The following PAX3 variants were observed in gnomAD, a reference collection of about 807,000 sequenced individuals.
PAX3 encodes the protein paired box protein Pax-3.
In PAX3, 14 loss-of-function variants were observed where a neutral mutation model predicts 51.6. The observed-to-expected ratio is 0.27, with a 90% CI of 0.18 to 0.42. PAX3 has a LOEUF of 0.42. PAX3 is among the 10% of genes least tolerant of loss of function. The probability of loss-of-function intolerance (pLI) is 1.00; values close to 1 mark genes in which losing one functional copy is unlikely to be tolerated. For missense variants in PAX3, 540 were observed against 642.8 expected (o/e 0.84, Z 1.73); for synonymous variants, 280 against 253.4 (o/e 1.11, Z -1.00).
chr2:222,261,195 G>T (rs927270647), intron 4 of PAX3, among the ~76,000 whole-genome samples: 2 of 152,102 alleles, frequency 1.3e-5, no homozygotes, highest in Non-Finnish European at 2.9e-5. Flanking sequence ...TGCCATGCAC[G>T]CAGTGGACTG....
In PAX3 at chr2:222,221,217, G is replaced by C. The variant is rs993772747; in HGVS notation, c.958+5C>G. On this transcript the variant is annotated splice_donor_5th_base_variant and intron_variant, in intron 6 of 8. Coordinates refer to ENST00000392070, the MANE Select transcript of PAX3 (RefSeq NM_181458.4). ...TTTCTAATCTCCTTGACTCTTCCTC[G>C]GTACCTTGTGGAATAGATGTGGGCT... is the stretch of plus-strand genomic sequence containing the variant. 1.2e-6 allele frequency: 2 copies of C among 1,613,462 alleles called. No homozygotes were observed. Among genetic ancestry groups the C allele is most frequent in the Admixed American group, 1.7e-5 (1 of 59,980 alleles).
chr2:222,261,390 C>T (rs148198607), intron 4 of PAX3, among the ~76,000 whole-genome samples: 136 of 151,894 alleles, frequency 9.0e-4, no homozygotes, highest in Middle Eastern at 3.4e-3. Context: ...TGTTAGCAAA[C>T]GGCTAGGAAA....
chr2:222,273,724 A>G (rs1694327161), intron 4 of PAX3, among the ~76,000 whole-genome samples: 1 of 152,210 alleles, frequency 6.6e-6, no homozygotes, highest in South Asian at 2.1e-4. Context: ...AATGATTGTT[A>G]TTTAGTTGCA....
At chr2:222,210,442 G>T (rs370088398) in intron 7 of PAX3, among the ~76,000 whole-genome samples, 1 of 152,034 alleles carries the variant, frequency 6.6e-6, no homozygotes, top group Non-Finnish European at 1.5e-5. Context: ...TATTGTTATA[G>T]AAGATGGACT....
intron 5 of PAX3, among the ~76,000 whole-genome samples, chr2:222,230,109 T>C (rs956698228): frequency 2.6e-5 from 4 of 151,710 alleles, no homozygotes; most frequent in African/African-American, 9.7e-5. Flanking sequence ...TCAGGAGGTG[T>C]AGGCTTCAGT....
chr2:222,277,451 TC>T (rs1694462056), intron 4 of PAX3, among the ~76,000 whole-genome samples: 1 of 152,180 alleles, frequency 6.6e-6, no homozygotes, highest in South Asian at 2.1e-4. Flanking sequence ...GGACCGTTTT[TC>T]TAGACGCTCA....
At chr2:222,218,271 ATAGT>A (rs1323919855) in intron 7 of PAX3, among the ~76,000 whole-genome samples, 8 of 152,214 alleles carry the variant, frequency 5.3e-5, no homozygotes, top group African/African-American at 1.7e-4. Flanking sequence ...TCAAGGATTA[ATAGT>A]TAGGAGATCA....
chr2:222,268,389 CAA>C (rs964779495), intron 4 of PAX3, among the ~76,000 whole-genome samples: 1 of 152,086 alleles, frequency 6.6e-6, no homozygotes, highest in Non-Finnish European at 1.5e-5. Context: ...AAGTGGAATC[CAA>C]AAATATCCAT....
At chr2:222,247,018 A>T (rs1574685319) in intron 4 of PAX3, among the ~76,000 whole-genome samples, 1 of 152,322 alleles carries the variant, frequency 6.6e-6, no homozygotes, top group East Asian at 1.9e-4. Context: ...CAGGTGTCTA[A>T]TTCATCCAAA....
chr2:222,239,172 G>T (rs539479943), intron 4 of PAX3, among the ~76,000 whole-genome samples: 1 of 152,272 alleles, frequency 6.6e-6, no homozygotes, highest in Admixed American at 6.5e-5. Flanking sequence ...CCCAAGAAAT[G>T]GCCTGTGGCT....
intron 4 of PAX3, among the ~76,000 whole-genome samples, chr2:222,254,835 T>G (rs906004636): frequency 6.6e-6 from 1 of 152,126 alleles, no homozygotes; most frequent in Non-Finnish European, 1.5e-5. Context: ...CAGGCTAGAG[T>G]GCAGTGGCAT....
At chr2:222,225,323 C>T (rs1341815978) in intron 5 of PAX3, among the ~76,000 whole-genome samples, 1 of 152,112 alleles carries the variant, frequency 6.6e-6, no homozygotes, top group East Asian at 1.9e-4. Flanking sequence ...ATGATCTTTA[C>T]ATGCATTTCT....
At chr2:222,204,353 C>G (rs941733800) in intron 7 of PAX3, among the ~76,000 whole-genome samples, 1 of 152,110 alleles carries the variant, frequency 6.6e-6, no homozygotes, top group African/African-American at 2.4e-5. Flanking sequence ...GATATGTTTT[C>G]CATCTATATG....
At position 222,202,126 on chromosome 2, in the gene PAX3, G is replaced by A; in HGVS notation, c.1238C>T (p.Ser413Phe). Residue 413 changes from serine to phenylalanine, a missense_variant, in exon 8 of 9, where the codon TCC becomes TTC. Physicochemically the swap from Ser to Phe is radical, Grantham distance 155. Transcript: ENST00000392070. ...PHQPQTDYAL[S>F]PLTGGLEPTT... Reference sequence around the variant, plus strand: ...AGGTTCCAGACCCCCGGTGAGAGGGGAGAGCGCGTAATCAGTCTGGGGCTG... The same window carrying A: ...AGGTTCCAGACCCCCGGTGAGAGGGAAGAGCGCGTAATCAGTCTGGGGCTG... The A allele has an allele frequency of 6.2e-7, 1 of 1,613,264 alleles. No individual in the cohort carries two copies. Among genetic ancestry groups the A allele is most frequent in the South Asian group, 1.1e-5 (1 of 90,982 alleles).
chr2:222,217,442 A>C (rs1692008368), intron 7 of PAX3, among the ~76,000 whole-genome samples: 1 of 152,160 alleles, frequency 6.6e-6, no homozygotes, highest in Admixed American at 6.6e-5. Flanking sequence ...TAGACCAGGA[A>C]CCAGGAATCC....
intron 4 of PAX3, among the ~76,000 whole-genome samples, chr2:222,242,069 T>C (rs1693036093): frequency 6.6e-6 from 1 of 152,194 alleles, no homozygotes; most frequent in Non-Finnish European, 1.5e-5. Flanking sequence ...TTTCAACATA[T>C]CTTCTTCCTT....
At chr2:222,207,166 G>A (rs1020174484) in intron 7 of PAX3, among the ~76,000 whole-genome samples, 2 of 152,072 alleles carry the variant, frequency 1.3e-5, no homozygotes, top group African/African-American at 4.8e-5. Flanking sequence ...TTTTGCCAAT[G>A]TGGGTGTTAC....
chr2:222,274,290 T>A (rs1694346104), intron 4 of PAX3, among the ~76,000 whole-genome samples: 1 of 152,124 alleles, frequency 6.6e-6, no homozygotes. Flanking sequence ...TTCTATAGTT[T>A]CATTTTAGCA....
intron 4 of PAX3, among the ~76,000 whole-genome samples, chr2:222,284,327 G>C (rs372631739): frequency 6.6e-6 from 1 of 152,122 alleles, no homozygotes; most frequent in Non-Finnish European, 1.5e-5. Flanking sequence ...AAAAAGCAAC[G>C]TATTTGTCAA....
Sources: allele counts gnomAD v4.1 joint callset (sites outside exome capture counted in the v4.1 genomes callset), GRCh38; gene constraint gnomAD v4.1.1; transcripts MANE v1.5; gene names NCBI Gene and HGNC (gene_info 2026-07-23, HGNC 2026-07-21).